LYPD6: variants seen among roughly 807,000 people sequenced by gnomAD.
The protein encoded by LYPD6 is LY6/PLAUR domain containing 6, also known as ly6/PLAUR domain-containing protein 6.
A neutral mutation model predicts 22.7 loss-of-function variants in LYPD6; 15 were observed. The ratio of observed to expected loss-of-function variants is 0.66; its 90% CI spans 0.44 to 1.02. The LOEUF is 1.02. Among genes scored for constraint, LYPD6 ranks in the 50% least tolerant of loss-of-function variants. The pLI is 0.00. For missense variants in LYPD6, 189 were observed against 208.4 expected (o/e 0.91, Z 0.57); for synonymous variants, 72 against 77.5 (o/e 0.93, Z 0.37).
At chr2:149,371,000 G>T (rs1444160259) in intron 1 of LYPD6, among the ~76,000 whole-genome samples, 1 of 152,188 alleles carries the variant, frequency 6.6e-6, no homozygotes, top group Non-Finnish European at 1.5e-5. Context: ...AACTGTACAA[G>T]AATTAGAAAG....
intron 1 of LYPD6, among the ~76,000 whole-genome samples, chr2:149,386,473 G>A (rs1682188066): frequency 6.6e-6 from 1 of 152,172 alleles, no homozygotes; most frequent in South Asian, 2.1e-4. Flanking sequence ...AGCAGTGAGG[G>A]TGGAAATGGG....
At chr2:149,468,527 C>A in intron 3 of LYPD6, 118 bp from the exon 4 acceptor site, 3 of 1,169,688 alleles carry the variant, frequency 2.6e-6, no homozygotes, top group Non-Finnish European at 3.6e-6. Flanking sequence ...CAAAGCAGTG[C>A]ACATCTTATG....
intron 1 of LYPD6, among the ~76,000 whole-genome samples, chr2:149,352,195 A>G (rs539596765): frequency 1.4e-4 from 22 of 152,152 alleles, no homozygotes; most frequent in Non-Finnish European, 2.4e-4. Context: ...TAGATCCCCA[A>G]TGAGTGGTGC....
At chr2:149,333,715 A>G (rs1238753782) in intron 1 of LYPD6, among the ~76,000 whole-genome samples, 1 of 152,198 alleles carries the variant, frequency 6.6e-6, no homozygotes, top group East Asian at 1.9e-4. Context: ...CTAATGACAC[A>G]ATGCATTTAA....
At chr2:149,375,963 TTA>T (rs1219188762) in intron 1 of LYPD6, among the ~76,000 whole-genome samples, 4 of 152,256 alleles carry the variant, frequency 2.6e-5, no homozygotes, top group African/African-American at 9.6e-5. Context: ...CAGCGTTTTC[TTA>T]GTGCATAAGC....
At chr2:149,359,951 G>T (rs1681539972) in intron 1 of LYPD6, among the ~76,000 whole-genome samples, 1 of 152,162 alleles carries the variant, frequency 6.6e-6, no homozygotes, top group Non-Finnish European at 1.5e-5. Flanking sequence ...CAGAGCAGCG[G>T]CATGGGCTGC....
At chr2:149,370,329 G>T (rs898958081) in intron 1 of LYPD6, among the ~76,000 whole-genome samples, 1 of 152,084 alleles carries the variant, frequency 6.6e-6, no homozygotes, top group African/African-American at 2.4e-5. Flanking sequence ...TGTTCCTGCT[G>T]TGGTCTGTGT....
At chr2:149,341,746 C>T (rs1267004243) in intron 1 of LYPD6, among the ~76,000 whole-genome samples, 1 of 152,196 alleles carries the variant, frequency 6.6e-6, no homozygotes, top group African/African-American at 2.4e-5. Flanking sequence ...CACTTTGTTG[C>T]TGTGTCCTCA....
chr2:149,471,104 C>T lies in LYPD6; in HGVS notation c.*254C>T. 2.9e-6 allele frequency: 1 copy of T among 349,004 alleles called. No individual in the cohort carries two copies. Among genetic ancestry groups the T allele is most frequent in the East Asian group, 4.3e-5 (1 of 23,008 alleles). 21.6% of individuals were successfully genotyped at this position (349,004 alleles called of 1,614,324 possible). A position where few individuals can be genotyped will look rare whatever the true frequency, so the allele number is the denominator to read the frequency against. On this transcript the variant is annotated 3_prime_UTR_variant, in exon 5 of 5. Transcript: ENST00000334166. ...CATACCATAAACGTTTGTTTTCATT[C>T]CAAGAAGTAGTTCTGCATTTATCGA...
At chr2:149,383,932 C>T (rs146075684) in intron 1 of LYPD6, among the ~76,000 whole-genome samples, 4 of 152,174 alleles carry the variant, frequency 2.6e-5, no homozygotes, top group African/African-American at 4.8e-5. Flanking sequence ...CTCCCATAGA[C>T]AGTCAATCAG....
chr2:149,417,399 T>C (rs981981192), intron 1 of LYPD6, among the ~76,000 whole-genome samples: 2 of 152,164 alleles, frequency 1.3e-5, no homozygotes, highest in African/African-American at 4.8e-5. Context: ...TTTAGAAAAC[T>C]GTAATACAGA....
intron 1 of LYPD6, among the ~76,000 whole-genome samples, chr2:149,340,214 A>G: frequency 6.6e-6 from 1 of 152,180 alleles, no homozygotes; most frequent in African/African-American, 2.4e-5. Flanking sequence ...AGGAGAGATA[A>G]AGGTTATTTT....
intron 1 of LYPD6, among the ~76,000 whole-genome samples, chr2:149,397,420 G>A (rs936057627): frequency 6.6e-6 from 1 of 152,170 alleles, no homozygotes; most frequent in African/African-American, 2.4e-5. Flanking sequence ...GCAGAAAACT[G>A]CTGGTCTTCA....
chr2:149,337,996 A>T (rs867938168), intron 1 of LYPD6, among the ~76,000 whole-genome samples: 55 of 115,794 alleles, frequency 4.7e-4, no homozygotes, highest in African/African-American at 1.8e-3. Flanking sequence ...TCCGTGGTGT[A>T]TATGTACCAC....
intron 2 of LYPD6, among the ~76,000 whole-genome samples, chr2:149,445,566 A>G (rs923887026): frequency 6.6e-6 from 1 of 152,218 alleles, no homozygotes; most frequent in Non-Finnish European, 1.5e-5. Context: ...AGCACTTTCC[A>G]TTATACCTTA....
intron 3 of LYPD6, among the ~76,000 whole-genome samples, chr2:149,456,433 G>A (rs1391587727): frequency 6.6e-6 from 1 of 152,084 alleles, no homozygotes; most frequent in African/African-American, 2.4e-5. Flanking sequence ...TACCACCAAG[G>A]GTCGCTGTTA....
chr2:149,372,403 A>G (rs1053559045), intron 1 of LYPD6, among the ~76,000 whole-genome samples: 1 of 152,208 alleles, frequency 6.6e-6, no homozygotes, highest in Non-Finnish European at 1.5e-5. Context: ...CTAGCAGAAT[A>G]TCCAGATTGG....
chr2:149,431,588 A>G lies in LYPD6; in HGVS notation c.-71-6050A>G, dbSNP rs57562338. ...TGCAGGAATGTAAACAGTCGGTGATATGAATAAACAGTCCTGCCCATCCTG... is the reference window on the plus strand; with the variant it reads ...TGCAGGAATGTAAACAGTCGGTGATGTGAATAAACAGTCCTGCCCATCCTG... On this transcript the variant is annotated intron_variant, in intron 1 of 4. Coordinates refer to ENST00000334166, the MANE Select transcript of LYPD6 (RefSeq NM_194317.5). Among the ~76,000 whole-genome samples, 18 of 152,326 alleles carry G rather than the reference A, an allele frequency of 1.2e-4. No individual in the cohort carries two copies. The East Asian group carries it at 3.3e-3, about 28-fold the overall frequency.
intron 1 of LYPD6, among the ~76,000 whole-genome samples, chr2:149,341,610 T>C (rs568624495): frequency 6.6e-6 from 1 of 152,278 alleles, no homozygotes; most frequent in South Asian, 2.1e-4. Context: ...TGTGCTACTA[T>C]AACAAAATAC....
Sources: gnomAD v4.1 joint callset for allele counts (sites outside exome capture counted in the v4.1 genomes callset) on GRCh38, gnomAD v4.1.1 for gene constraint, MANE v1.5 for transcripts, NCBI Gene and HGNC (gene_info 2026-07-23, HGNC 2026-07-21) for gene names.